The following NBEAL1 variants were observed in gnomAD, a reference collection of about 807,000 sequenced individuals.
NBEAL1 encodes the protein neurobeachin like 1.
A neutral mutation model predicts 351.3 loss-of-function variants in NBEAL1; 273 were observed. The observed-to-expected ratio is 0.78, with a 90% confidence interval of 0.70 to 0.86. NBEAL1 has a LOEUF of 0.86. NBEAL1 is among the 40% of genes least tolerant of loss of function. The pLI is 0.00. For missense variants in NBEAL1, 2,961 were observed against 3,201.3 expected, an observed-to-expected ratio of 0.92 and a Z score of 1.81; for synonymous variants, 1,050 against 1,086.4, an observed-to-expected ratio of 0.97 and a Z score of 0.66.
chr2:203,110,664 A>C (rs1049613886), intron 15 of NBEAL1, among the ~76,000 whole-genome samples: 1 of 131,660 alleles, frequency 7.6e-6, no homozygotes. Flanking sequence ...ACAGAGTGAG[A>C]TCCTGTCTCA....
intron 35 of NBEAL1, 61 bp downstream of exon 35, chr2:203,151,650 C>T: frequency 2.1e-6 from 3 of 1,436,466 alleles, no homozygotes; most frequent in East Asian, 2.5e-5. Flanking sequence ...GTGGGGTTGA[C>T]GATTGTTATT....
intron 45 of NBEAL1, 101 bp from the exon 46 acceptor site, chr2:203,190,191 C>CAT (rs1276195613): frequency 2.1e-4 from 88 of 412,158 alleles, no homozygotes; most frequent in African/African-American, 1.9e-3. Context: ...CACACACACA[C>CAT]ACACACACAC....
intron 7 of NBEAL1, among the ~76,000 whole-genome samples, chr2:203,075,923 T>A (rs545121819): frequency 6.6e-6 from 1 of 152,354 alleles, no homozygotes; most frequent in African/African-American, 2.4e-5. Context: ...AACTTCTTAA[T>A]TTTTTAATTA....
At chr2:203,042,777 A>G (rs2061164316) in intron 3 of NBEAL1, among the ~76,000 whole-genome samples, 2 of 151,938 alleles carry the variant, frequency 1.3e-5, no homozygotes, top group East Asian at 3.9e-4. Context: ...TGGTAGAGAC[A>G]GGGTTTCACC....
intron 6 of NBEAL1, among the ~76,000 whole-genome samples, chr2:203,065,640 T>G (rs2061570878): frequency 1.3e-5 from 2 of 151,968 alleles, no homozygotes. Context: ...TAGTCCCAGC[T>G]ACTCAGGAGG....
intron 4 of NBEAL1, among the ~76,000 whole-genome samples, chr2:203,050,692 A>G (rs1367421011): frequency 6.6e-6 from 1 of 152,216 alleles, no homozygotes; most frequent in Non-Finnish European, 1.5e-5. Context: ...ACATTTTGGT[A>G]TGCATGAATA....
intron 4 of NBEAL1, among the ~76,000 whole-genome samples, chr2:203,054,558 G>A (rs986862949): frequency 1.3e-5 from 2 of 152,062 alleles, no homozygotes; most frequent in Non-Finnish European, 2.9e-5. Flanking sequence ...ACGGGCATGA[G>A]CCACTACACC....
upstream of NBEAL1, chr2:203,014,747 C>T (rs2060647541): frequency 6.6e-6 from 1 of 152,280 alleles, no homozygotes; most frequent in Admixed American, 6.5e-5. Flanking sequence ...CCGCCCATCC[C>T]CAGCCTACGC....
At position 203,062,459 on chromosome 2, in the gene NBEAL1, G is replaced by C; in HGVS notation, c.515+5006G>C. 1 of 359,532 alleles carries C rather than the reference G, an allele frequency of 2.8e-6. No homozygotes were observed. The highest frequency in any genetic ancestry group is 5.4e-6 in the Non-Finnish European group (1 of 185,278). 22.3% of individuals were successfully genotyped at this position (359,532 alleles called of 1,614,324 possible). A position where few individuals can be genotyped will look rare whatever the true frequency, so the allele number is the denominator to read the frequency against. On this transcript the variant is annotated intron_variant, in intron 6 of 55. Transcript: ENST00000683969. This position sits in a 1 kb window ranked among gnomAD's most constrained non-coding sequence, Gnocchi z 4.2. ...GCCCAGGGATCTTGCAGGGCCTGCA[G>C]GTCACAGGCAACAGAGGCTGCCCCA...
In NBEAL1 at chr2:203,170,264, C is replaced by T. The variant is rs566847453; in HGVS notation, c.6102+413C>T. Reference sequence around the variant, plus strand: ...GCGGGCGCCTGTAATCCCAGCTACTCGGGAGGCTGAGGTGGGAGAATCGCT... The same window carrying T: ...GCGGGCGCCTGTAATCCCAGCTACTTGGGAGGCTGAGGTGGGAGAATCGCT... On this transcript the variant is annotated intron_variant, in intron 39 of 55. Transcript: ENST00000683969. Among the ~76,000 whole-genome samples, 12 of 152,010 alleles carry T rather than the reference C, an allele frequency of 7.9e-5. No individual in the cohort carries two copies. The South Asian group carries it at 1.3e-3, about 16-fold the overall frequency.
At chr2:203,048,761 G>A (rs1231258848) in intron 3 of NBEAL1, among the ~76,000 whole-genome samples, 1 of 152,132 alleles carries the variant, frequency 6.6e-6, no homozygotes, top group African/African-American at 2.4e-5. Flanking sequence ...ACTCATGTCT[G>A]ATGTTGGCAT....
intron 44 of NBEAL1, among the ~76,000 whole-genome samples, chr2:203,184,280 A>C (rs989384417): frequency 2.6e-5 from 4 of 151,366 alleles, no homozygotes; most frequent in Non-Finnish European, 5.9e-5. Flanking sequence ...AAAATACAAA[A>C]ATTAGGTGGG....
At chr2:203,183,074 T>C (rs1399194581) in intron 43 of NBEAL1, 1 of 343,950 alleles carries the variant, frequency 2.9e-6, no homozygotes, top group Non-Finnish European at 5.2e-6. Context: ...GCTTAACAAC[T>C]TAATTCTTAC....
rs148113280 is a variant in NBEAL1 at position 203,178,437 on chromosome 2, G to T, written c.6465-1945G>T. Among the ~76,000 whole-genome samples, 7 of 152,192 alleles carry T rather than the reference G, an allele frequency of 4.6e-5. No homozygotes were observed. In the East Asian group the frequency reaches 1.4e-3, roughly 29 times the overall value. On this transcript the variant is annotated intron_variant, in intron 42 of 55. Transcript: ENST00000683969. ...CCACCATGGCCTACCAAAGTGCTGG[G>T]ATTACAGGCGTGAGCCACCTCACCT... is the stretch of plus-strand genomic sequence containing the variant.
In NBEAL1 at chr2:203,077,798, C is replaced by T; in HGVS notation, c.645C>T (p.Cys215=). Residue 215 remains cysteine (C), a synonymous_variant, in exon 8 of 56, where the codon TGC becomes TGT. Coordinates refer to ENST00000683969, the MANE Select transcript of NBEAL1 (RefSeq NM_001378026.1). ...ATCTCAAGGAAAGTCTTAAATGTTGCTTATTGCATCTCTTTGGAGCCATTG... is the reference window on the plus strand; with the variant it reads ...ATCTCAAGGAAAGTCTTAAATGTTGTTTATTGCATCTCTTTGGAGCCATTG... The part of the protein sequence containing the change: ...SEHLKESLKC[C]LLHLFGAIVA... 1 of 1,471,462 alleles carries T rather than the reference C, an allele frequency of 6.8e-7. No homozygotes were observed. The highest frequency in any genetic ancestry group is 9.0e-7 in the Non-Finnish European group (1 of 1,106,602). The allele number at this position is 1,471,462 out of a possible 1,614,324, so 91.2% of individuals were successfully genotyped here. A position where few individuals can be genotyped will look rare whatever the true frequency, so the allele number is the denominator to read the frequency against.
chr2:203,100,214 G>A (rs2062283888), intron 12 of NBEAL1, among the ~76,000 whole-genome samples: 1 of 152,146 alleles, frequency 6.6e-6, no homozygotes, highest in African/African-American at 2.4e-5. Context: ...GAACATACAT[G>A]TTCATGTGTC....
At chr2:203,167,190 T>C in intron 37 of NBEAL1, 37 bp from the exon 38 acceptor site, 1 of 1,578,660 alleles carries the variant, frequency 6.3e-7, no homozygotes, top group Non-Finnish European at 8.6e-7. Flanking sequence ...AGTAACTTTA[T>C]ATGGTATCTC....
intron 33 of NBEAL1, among the ~76,000 whole-genome samples, chr2:203,146,030 A>G (rs2063504414): frequency 6.6e-6 from 1 of 151,770 alleles, no homozygotes; most frequent in South Asian, 2.1e-4. Context: ...TGATGTGAAA[A>G]ATTATTTATA....
At chr2:203,207,577 C>A (rs888709393) in intron 51 of NBEAL1, among the ~76,000 whole-genome samples, 1 of 152,330 alleles carries the variant, frequency 6.6e-6, no homozygotes, top group East Asian at 1.9e-4. Flanking sequence ...AAGAAAAATT[C>A]TTCTGCCTTG....
Sources: allele counts gnomAD v4.1 joint callset (sites outside exome capture counted in the v4.1 genomes callset), GRCh38; gene constraint gnomAD v4.1.1; non-coding constraint Gnocchi (gnomAD v3.1); transcripts MANE v1.5; gene names NCBI Gene and HGNC (gene_info 2026-07-23, HGNC 2026-07-21).